Variants in PIK3C3 observed in about 807,000 individuals in gnomAD.
PIK3C3 encodes the protein phosphatidylinositol 3-kinase catalytic subunit type 3.
PIK3C3 carries 95 observed loss-of-function variants against 126.1 expected under a neutral mutation model. The observed-to-expected ratio is 0.75, with a 90% CI of 0.64 to 0.89. PIK3C3 has a LOEUF of 0.89. Ranked by LOEUF, PIK3C3 falls within the 40% of genes least tolerant of loss-of-function variation. PIK3C3 has a pLI of 0.00. For synonymous variants in PIK3C3, 374 were observed against 360.0 expected, an observed-to-expected ratio of 1.04 and a Z score of -0.44; for missense variants, 829 against 1,063.2, an observed-to-expected ratio of 0.78 and a Z score of 3.06.
intron 4 of PIK3C3, among the ~76,000 whole-genome samples, chr18:41,985,959 A>T (rs1053508990): frequency 2.0e-5 from 3 of 152,132 alleles, no homozygotes; most frequent in African/African-American, 4.8e-5. Context: ...TTAATTTACC[A>T]TTGCCAGTTC....
At chr18:42,060,154 C>T (rs1173162124) in intron 22 of PIK3C3, among the ~76,000 whole-genome samples, 2 of 152,070 alleles carry the variant, frequency 1.3e-5, no homozygotes, top group African/African-American at 2.4e-5. Context: ...AAGAATTAAC[C>T]TGATAGTTGT....
chr18:42,013,439 C>A lies in PIK3C3; in HGVS notation c.1171-3C>A. The stretch of plus-strand genomic sequence containing the variant: ...TATTACTTTACTTTTTTTTGTTTTC[C>A]AGGATTTGTTGATGTACCTATTACA... On this transcript the variant is annotated splice_region_variant and splice_polypyrimidine_tract_variant and intron_variant, in intron 10 of 24. Coordinates refer to ENST00000262039, the MANE Select transcript of PIK3C3 (RefSeq NM_002647.4). 1 of 1,456,852 alleles carries A rather than the reference C, an allele frequency of 6.9e-7. No homozygotes were observed. The highest frequency in any genetic ancestry group is 9.1e-7 in the Non-Finnish European group (1 of 1,100,266). The allele number at this position is 1,456,852 out of a possible 1,614,324, so 90.2% of individuals were successfully genotyped here.
intron 13 of PIK3C3, among the ~76,000 whole-genome samples, chr18:42,022,178 T>A (rs138095488): frequency 8.5e-5 from 13 of 152,170 alleles, no homozygotes; most frequent in African/African-American, 3.1e-4. Context: ...TTAGGGTACA[T>A]GTGCACAACG....
At chr18:41,999,162 C>G (rs982806300) in intron 9 of PIK3C3, among the ~76,000 whole-genome samples, 1 of 151,652 alleles carries the variant, frequency 6.6e-6, no homozygotes. Context: ...TAACTTTGTT[C>G]AATTAAATTT....
At chr18:42,039,081 C>T (rs965912636) in intron 18 of PIK3C3, among the ~76,000 whole-genome samples, 2 of 152,152 alleles carry the variant, frequency 1.3e-5, no homozygotes, top group Middle Eastern at 3.4e-3. Flanking sequence ...CAGGATATTT[C>T]AGACATTCCT....
chr18:42,078,125 C>G (rs1273596342), intron 24 of PIK3C3, among the ~76,000 whole-genome samples: 1 of 151,940 alleles, frequency 6.6e-6, no homozygotes, highest in Non-Finnish European at 1.5e-5. Flanking sequence ...CGCCTGTAAT[C>G]CCAGCACTTT....
At chr18:42,077,961 T>G (rs556673848) in intron 24 of PIK3C3, among the ~76,000 whole-genome samples, 1 of 152,224 alleles carries the variant, frequency 6.6e-6, no homozygotes, top group Non-Finnish European at 1.5e-5. Context: ...TTAGCAGGCA[T>G]TAAAACAACA....
At chr18:41,968,548 A>T (rs1415370752) in intron 3 of PIK3C3, among the ~76,000 whole-genome samples, 1 of 152,194 alleles carries the variant, frequency 6.6e-6, no homozygotes, top group Non-Finnish European at 1.5e-5. Context: ...CAGTTACTAG[A>T]ATTATCTGTT....
At chr18:42,000,622 C>G (rs1028669582) in intron 9 of PIK3C3, among the ~76,000 whole-genome samples, 5 of 152,110 alleles carry the variant, frequency 3.3e-5, no homozygotes, top group African/African-American at 1.2e-4. Context: ...CTGATAAAGA[C>G]ATACCTGAGA....
At chr18:42,008,819 A>G (rs1233083185) in intron 10 of PIK3C3, among the ~76,000 whole-genome samples, 2 of 152,186 alleles carry the variant, frequency 1.3e-5, no homozygotes, top group African/African-American at 4.8e-5. Context: ...TTTTCATACA[A>G]ATGAAGGAAA....
intron 14 of PIK3C3, 143 bp from the exon 15 acceptor site, chr18:42,029,182 G>A (rs1983707148): frequency 1.8e-6 from 1 of 566,432 alleles, no homozygotes; most frequent in African/African-American, 1.9e-5. Flanking sequence ...TGTTATTTTT[G>A]AATCAAGATA....
At chr18:42,022,339 A>G (rs1212792927) in intron 13 of PIK3C3, among the ~76,000 whole-genome samples, 4 of 152,014 alleles carry the variant, frequency 2.6e-5, no homozygotes, top group African/African-American at 9.7e-5. Flanking sequence ...CCTGTGTCCA[A>G]GTGTTCTCAT....
intron 10 of PIK3C3, among the ~76,000 whole-genome samples, chr18:42,009,598 T>C (rs1024684816): frequency 6.6e-6 from 1 of 151,124 alleles, no homozygotes; most frequent in Admixed American, 6.6e-5. Context: ...CTACATTATG[T>C]AATGTACATT....
intron 22 of PIK3C3, among the ~76,000 whole-genome samples, chr18:42,060,784 GA>G (rs1210015881): frequency 6.6e-6 from 1 of 151,432 alleles, no homozygotes; most frequent in Non-Finnish European, 1.5e-5. Flanking sequence ...CTCAAAAAAA[GA>G]AAAAAAATTT....
intron 7 of PIK3C3, among the ~76,000 whole-genome samples, chr18:41,994,342 T>C (rs1981925126): frequency 6.6e-6 from 1 of 152,206 alleles, no homozygotes; most frequent in Admixed American, 6.6e-5. Context: ...AATCAAATTA[T>C]ATTTTACACT....
At chr18:42,058,822 G>T (rs1268437288) in intron 22 of PIK3C3, among the ~76,000 whole-genome samples, 1 of 152,146 alleles carries the variant, frequency 6.6e-6, no homozygotes, top group Non-Finnish European at 1.5e-5. Context: ...AGGATCATTT[G>T]ACTCATGCTA....
intron 21 of PIK3C3, among the ~76,000 whole-genome samples, chr18:42,057,058 A>ACCCC (rs34303564): frequency 9.3e-6 from 1 of 107,704 alleles, no homozygotes; most frequent in African/African-American, 3.7e-5. Flanking sequence ...ATAGAAATGA[A>ACCCC]CCCCCCCCCC....
chr18:41,974,647 A>G (rs889681449), intron 4 of PIK3C3, among the ~76,000 whole-genome samples: 2 of 151,906 alleles, frequency 1.3e-5, no homozygotes, highest in African/African-American at 4.8e-5. Context: ...ATTTGTGAAA[A>G]TAATAAAAGA....
intron 1 of PIK3C3, among the ~76,000 whole-genome samples, chr18:41,956,222 A>C (rs981295329): frequency 6.6e-6 from 1 of 152,180 alleles, no homozygotes. Context: ...GTGATAGATA[A>C]ATTTTCTCAG....
Sources: allele counts gnomAD v4.1 joint callset (sites outside exome capture counted in the v4.1 genomes callset), GRCh38; gene constraint gnomAD v4.1.1; transcripts MANE v1.5; gene names NCBI Gene and HGNC (gene_info 2026-07-23, HGNC 2026-07-21).